The following TPRG1 variants were observed in gnomAD, a reference collection of about 807,000 sequenced individuals.
The protein encoded by TPRG1 is tumor protein p63-regulated gene 1 protein.
Under a neutral mutation model 29.3 loss-of-function variants are expected in TPRG1, and 29 were observed. That is an observed-to-expected ratio of 0.99 (90% CI 0.74 to 1.35). TPRG1 has a LOEUF of 1.35. Ranked by LOEUF, TPRG1 falls within the 40% of genes most tolerant of loss-of-function variation. The pLI is 0.00. For synonymous variants in TPRG1, 130 were observed against 116.8 expected (o/e 1.11, Z -0.73); for missense variants, 327 against 335.0 (o/e 0.98, Z 0.19).
intron 4 of TPRG1, among the ~76,000 whole-genome samples, chr3:189,027,874 T>G (rs1713742548): frequency 6.6e-6 from 1 of 152,160 alleles, no homozygotes; most frequent in Non-Finnish European, 1.5e-5. Flanking sequence ...TTCCCTCTTA[T>G]GCCTTGATGT....
chr3:189,246,083 A>T (rs964475610), intron 4 of TPRG1, among the ~76,000 whole-genome samples: 2 of 152,154 alleles, frequency 1.3e-5, no homozygotes, highest in Non-Finnish European at 2.9e-5. Flanking sequence ...GTGTCGTGGG[A>T]GGGACCTGAT....
At chr3:189,157,216 GC>G (rs1328779028) in intron 5 of TPRG1, among the ~76,000 whole-genome samples, 1 of 152,158 alleles carries the variant, frequency 6.6e-6, no homozygotes, top group Non-Finnish European at 1.5e-5. Context: ...CGAGCATTAA[GC>G]CATCCAGATC....
chr3:189,058,402 A>G (rs796619644), intron 4 of TPRG1, among the ~76,000 whole-genome samples: 31 of 152,336 alleles, frequency 2.0e-4, no homozygotes, highest in African/African-American at 7.5e-4. Flanking sequence ...GTTTGGCCTC[A>G]ATTGACACAG....
chr3:189,210,075 T>G (rs1735023272), intron 2 of TPRG1, among the ~76,000 whole-genome samples: 2 of 152,062 alleles, frequency 1.3e-5, no homozygotes, highest in Non-Finnish European at 2.9e-5. Flanking sequence ...GAACCACAAG[T>G]CTGCTAATGG....
chr3:189,056,953 G>A (rs1252034793), intron 4 of TPRG1, among the ~76,000 whole-genome samples: 1 of 152,094 alleles, frequency 6.6e-6, no homozygotes, highest in Admixed American at 6.5e-5. Flanking sequence ...TGTACATCCA[G>A]TGCTCTTCCA....
At chr3:189,006,675 A>T (rs998240700) in intron 3 of TPRG1, among the ~76,000 whole-genome samples, 6 of 152,170 alleles carry the variant, frequency 3.9e-5, no homozygotes, top group Non-Finnish European at 8.8e-5. Context: ...ACTGTATTCT[A>T]AAGAGCACTG....
chr3:189,112,532 C>T (rs1370482408), intron 1 of TPRG1, among the ~76,000 whole-genome samples: 1 of 152,064 alleles, frequency 6.6e-6, no homozygotes, highest in African/African-American at 2.4e-5. Context: ...GTCTTTAATC[C>T]ATCTCGAATT....
intron 1 of TPRG1, among the ~76,000 whole-genome samples, chr3:189,172,566 C>T (rs1219964892): frequency 6.6e-6 from 1 of 152,080 alleles, no homozygotes; most frequent in African/African-American, 2.4e-5. Flanking sequence ...ATACCTTATC[C>T]CCAAAAGCCA....
At chr3:189,217,987 C>T (rs904960476) in intron 3 of TPRG1, 1 of 985,430 alleles carries the variant, frequency 1.0e-6, no homozygotes, top group Non-Finnish European at 1.2e-6. Flanking sequence ...AATAAACAAA[C>T]ATGCAGGCCC....
chr3:189,186,229 A>T (rs1730898179), intron 1 of TPRG1, among the ~76,000 whole-genome samples: 1 of 152,238 alleles, frequency 6.6e-6, no homozygotes, highest in Admixed American at 6.5e-5. Context: ...AACTGGAGAA[A>T]AGTCAATGAT....
chr3:189,210,123 C>G lies in TPRG1; in HGVS notation c.210+2529C>G, dbSNP rs185828124. 7.3e-3 allele frequency among the ~76,000 whole-genome samples: 1,113 copies of G among 151,984 alleles called. 13 individuals carry two copies. Among genetic ancestry groups the G allele is most frequent in the African/African-American group, 0.025 (1,023 of 41,450 alleles). On this transcript the variant is annotated intron_variant, in intron 2 of 5. Transcript: ENST00000345063. ...AAAAACTGGAGAGAAATGTGTGTGT[C>G]TGTGTGTGTTGGGGGGAGGGTATTG...
intron 4 of TPRG1, among the ~76,000 whole-genome samples, chr3:189,289,597 A>G (rs1346485251): frequency 6.6e-6 from 1 of 152,104 alleles, no homozygotes; most frequent in African/African-American, 2.4e-5. Flanking sequence ...TAAAATGGGG[A>G]TGATGATAGT....
intron 4 of TPRG1, among the ~76,000 whole-genome samples, chr3:189,278,694 A>G (rs891198500): frequency 4.6e-5 from 7 of 152,290 alleles, no homozygotes; most frequent in Admixed American, 3.9e-4. Context: ...TCTGTGTGTC[A>G]AGTATTGTGC....
chr3:189,215,195 C>T, intron 2 of TPRG1, 97 bp from the exon 3 acceptor site: 1 of 969,832 alleles, frequency 1.0e-6, no homozygotes, highest in Non-Finnish European at 1.5e-6. Context: ...CCTTTGTGAC[C>T]AGCTTTCCGG....
intron 4 of TPRG1, among the ~76,000 whole-genome samples, chr3:189,026,151 A>G (rs953035012): frequency 6.6e-6 from 1 of 152,182 alleles, no homozygotes; most frequent in African/African-American, 2.4e-5. Flanking sequence ...TTGGAGACTG[A>G]AATTATGATG....
chr3:189,113,545 T>C (rs1222459153), intron 1 of TPRG1, among the ~76,000 whole-genome samples: 2 of 152,036 alleles, frequency 1.3e-5, no homozygotes, highest in Admixed American at 6.5e-5. Flanking sequence ...TTTTGAGATA[T>C]GTCCCATCAA....
intron 4 of TPRG1, among the ~76,000 whole-genome samples, chr3:189,282,636 C>A (rs1207196676): frequency 6.6e-6 from 1 of 152,082 alleles, no homozygotes; most frequent in Non-Finnish European, 1.5e-5. Context: ...ATGATATTTT[C>A]TGTGTTTTCT....
intron 5 of TPRG1, among the ~76,000 whole-genome samples, chr3:189,160,319 G>T (rs541423750): frequency 3.3e-5 from 5 of 152,332 alleles, no homozygotes; most frequent in African/African-American, 1.2e-4. Flanking sequence ...CCCTGTGCAA[G>T]TGATTTAGAT....
chr3:189,310,739 A>G (rs573862596), intron 5 of TPRG1, among the ~76,000 whole-genome samples, 200 bp downstream of exon 5: 1 of 152,198 alleles, frequency 6.6e-6, no homozygotes, highest in Non-Finnish European at 1.5e-5. Context: ...AACTGTTTTT[A>G]TATGTAAATA....
Sources: allele counts gnomAD v4.1 joint callset (sites outside exome capture counted in the v4.1 genomes callset), GRCh38; gene constraint gnomAD v4.1.1; transcripts MANE v1.5; gene names NCBI Gene and HGNC (gene_info 2026-07-23, HGNC 2026-07-21).